PRKN: variants seen among roughly 807,000 people sequenced by gnomAD.
PRKN encodes parkin RBR E3 ubiquitin protein ligase, also known as E3 ubiquitin-protein ligase parkin.
In PRKN, 56 loss-of-function variants were observed where a neutral mutation model predicts 59.5. The observed-to-expected ratio is 0.94, with a 90% confidence interval of 0.76 to 1.18. The LOEUF is 1.18. Among genes scored for constraint, PRKN ranks in the 50% most tolerant of loss-of-function variants. The probability of loss-of-function intolerance (pLI) is 0.00; values close to 1 mark genes in which losing one functional copy is unlikely to be tolerated. For missense variants in PRKN, 657 were observed against 596.4 expected (o/e 1.10, Z -1.06); for synonymous variants, 250 against 222.1 (o/e 1.13, Z -1.12).
chr6:161,532,141 A>ACTCTCTCTCTCT (rs773618878), intron 9 of PRKN, among the ~76,000 whole-genome samples: 78 of 134,430 alleles, frequency 5.8e-4, no homozygotes, highest in African/African-American at 2.1e-3. Context: ...TCTGTCTTGC[A>ACTCTCTCTCTCT]CTCTCTCTCT....
intron 1 of PRKN, among the ~76,000 whole-genome samples, chr6:162,565,730 AT>A (rs1170349589): frequency 6.6e-6 from 1 of 151,872 alleles, no homozygotes; most frequent in African/African-American, 2.4e-5. Context: ...ACATACATAC[AT>A]ACATACATAT....
In PRKN at chr6:162,338,872, G is replaced by A. The variant is rs1255932385; in HGVS notation, c.172-76107C>T. ...GAGCGTCTCTGCCCGGCCGCCCATC[G>A]TCTGAGATGTGGGGAGCGCCTCTGC... On this transcript the variant is annotated intron_variant, in intron 2 of 11. Transcript: ENST00000366898. Among the ~76,000 whole-genome samples the A allele has an allele frequency of 5.0e-3, 695 of 138,346 alleles. 3 individuals are homozygous for A. The highest frequency in any genetic ancestry group is 0.017 in the African/African-American group (633 of 36,352). 90.8% of individuals were successfully genotyped at this position (138,346 alleles called of 152,430 possible). A position where few individuals can be genotyped will look rare whatever the true frequency, so the allele number is the denominator to read the frequency against.
At chr6:162,357,174 A>G (rs1450086122) in intron 2 of PRKN, among the ~76,000 whole-genome samples, 2 of 152,178 alleles carry the variant, frequency 1.3e-5, no homozygotes, top group Non-Finnish European at 2.9e-5. Flanking sequence ...CACTCTCCAG[A>G]GAATGAAAAG....
chr6:162,051,449 G>A (rs1382894478), intron 5 of PRKN, among the ~76,000 whole-genome samples: 3 of 152,158 alleles, frequency 2.0e-5, no homozygotes, highest in Non-Finnish European at 4.4e-5. Flanking sequence ...GTACACCCTC[G>A]GGAGTGCACA....
intron 2 of PRKN, chr6:162,270,811 T>C (rs1156351057): frequency 6.6e-6 from 1 of 152,136 alleles, no homozygotes; most frequent in Non-Finnish European, 1.5e-5. Context: ...TTCTATTTTT[T>C]GCTTCTTCTG....
chr6:161,978,046 T>G (rs1476480266), intron 5 of PRKN, among the ~76,000 whole-genome samples: 18 of 130,110 alleles, frequency 1.4e-4, no homozygotes, highest in Non-Finnish European at 6.9e-5. Context: ...TTATTTTATT[T>G]TATTTTATTT....
chr6:162,194,116 G>T (rs1784398211), intron 4 of PRKN, among the ~76,000 whole-genome samples: 1 of 152,106 alleles, frequency 6.6e-6, no homozygotes, highest in African/African-American at 2.4e-5. Context: ...TTCCCATATG[G>T]AATTTTGAAG....
In PRKN at chr6:161,370,806, C is replaced by T. The variant is rs367877615; in HGVS notation, c.1168-10601G>A. Among the ~76,000 whole-genome samples, 10 of 152,298 alleles carry T rather than the reference C, an allele frequency of 6.6e-5. No homozygotes were observed. The East Asian group carries it at 1.4e-3, about 21-fold the overall frequency. ...CCAAAAAAGAGCAGTTGTCATTAATCATGAAAACAGAGTTGGCTTAATTCA... is the reference window on the plus strand; with the variant it reads ...CCAAAAAAGAGCAGTTGTCATTAATTATGAAAACAGAGTTGGCTTAATTCA... On this transcript the variant is annotated intron_variant, in intron 10 of 11. Coordinates refer to ENST00000366898, the MANE Select transcript of PRKN (RefSeq NM_004562.3).
intron 5 of PRKN, among the ~76,000 whole-genome samples, chr6:162,045,422 T>C (rs991654437): frequency 6.6e-6 from 1 of 152,208 alleles, no homozygotes; most frequent in Non-Finnish European, 1.5e-5. Context: ...GAAGCTCAGA[T>C]GATCCGAAGA....
chr6:162,565,618 A>C (rs1780034208), intron 1 of PRKN, among the ~76,000 whole-genome samples: 1 of 152,184 alleles, frequency 6.6e-6, no homozygotes, highest in Non-Finnish European at 1.5e-5. Flanking sequence ...TGAACCTGAC[A>C]GGCAGAGGTT....
chr6:162,158,719 C>T (rs1416395147), intron 4 of PRKN, among the ~76,000 whole-genome samples: 2 of 152,008 alleles, frequency 1.3e-5, no homozygotes, highest in African/African-American at 4.8e-5. Flanking sequence ...GTGTAAGCCA[C>T]CGCGTCCAGC....
At chr6:161,801,235 G>A (rs1037523420) in intron 6 of PRKN, among the ~76,000 whole-genome samples, 2 of 152,208 alleles carry the variant, frequency 1.3e-5, no homozygotes, top group Admixed American at 6.5e-5. Flanking sequence ...CGGATGCTAC[G>A]GACATTTGCT....
chr6:162,245,141 A>T (rs11753980), intron 3 of PRKN, among the ~76,000 whole-genome samples: 14,018 of 152,132 alleles, frequency 0.092, 881 homozygotes, highest in South Asian at 0.26. Context: ...TTAGAATTAA[A>T]CCAAAGAGAT....
intron 2 of PRKN, among the ~76,000 whole-genome samples, chr6:162,348,526 A>C (rs1185571377): frequency 1.3e-5 from 2 of 152,292 alleles, no homozygotes; most frequent in East Asian, 3.9e-4. Flanking sequence ...AAACTAAATA[A>C]AGAAGAACAA....
At chr6:161,914,237 A>ATAC (rs1027588293) in intron 6 of PRKN, among the ~76,000 whole-genome samples, 89 of 152,356 alleles carry the variant, frequency 5.8e-4, no homozygotes, top group African/African-American at 2.1e-3. Context: ...AGTATTATAT[A>ATAC]TACTGATCTC....
At chr6:162,084,658 A>T (rs1351301437) in intron 4 of PRKN, among the ~76,000 whole-genome samples, 1 of 152,132 alleles carries the variant, frequency 6.6e-6, no homozygotes, top group Non-Finnish European at 1.5e-5. Context: ...TACAAACATA[A>T]GTTACACTAC....
Position 161,461,761 on chromosome 6 carries a change from T to C in PRKN, c.1084-74884A>G, listed in dbSNP as rs917888995. Among the ~76,000 whole-genome samples the C allele has an allele frequency of 6.6e-6, 1 of 152,130 alleles. No individual in the cohort carries two copies. Among genetic ancestry groups the C allele is most frequent in the Non-Finnish European group, 1.5e-5 (1 of 68,020 alleles). The stretch of plus-strand genomic sequence containing the variant: ...TATTGACATTTTACATTTGAAATGC[T>C]TATGAAAATTCCAAATGGAGGTATC... On this transcript the variant is annotated intron_variant, in intron 9 of 11. Coordinates refer to ENST00000366898, the MANE Select transcript of PRKN (RefSeq NM_004562.3). The surrounding 1 kb of genome is among the most constrained non-coding windows in gnomAD (Gnocchi z 5.1).
In PRKN at chr6:161,965,419, C is replaced by T. The variant is rs980240390; in HGVS notation, c.734+7883G>A. Among the ~76,000 whole-genome samples, 5 of 152,104 alleles carry T rather than the reference C, an allele frequency of 3.3e-5. No individual in the cohort carries two copies. The South Asian group carries it at 6.2e-4, about 19-fold the overall frequency. On this transcript the variant is annotated intron_variant, in intron 6 of 11. Coordinates refer to ENST00000366898, the MANE Select transcript of PRKN (RefSeq NM_004562.3). Reference sequence around the variant, plus strand: ...AAGGTTAATTTCCGACTAAGCAAATCGGGCTATTTTTCGGTCTGCTTCAGC... The same window carrying T: ...AAGGTTAATTTCCGACTAAGCAAATTGGGCTATTTTTCGGTCTGCTTCAGC...
intron 6 of PRKN, among the ~76,000 whole-genome samples, chr6:161,891,612 C>A (rs1386265494): frequency 2.0e-5 from 3 of 152,142 alleles, no homozygotes; most frequent in African/African-American, 7.2e-5. Context: ...CATCTCTACA[C>A]CCTAAACATT....
Sources: allele counts gnomAD v4.1 joint callset (sites outside exome capture counted in the v4.1 genomes callset), GRCh38; gene constraint gnomAD v4.1.1; non-coding constraint Gnocchi (gnomAD v3.1); transcripts MANE v1.5; gene names NCBI Gene and HGNC (gene_info 2026-07-23, HGNC 2026-07-21).